Variants in KCNIP4 observed in about 807,000 individuals in gnomAD.
KCNIP4 encodes Kv channel-interacting protein 4.
In KCNIP4, 12 loss-of-function variants were observed where a neutral mutation model predicts 34.0. The observed-to-expected ratio is 0.35, with a 90% CI of 0.23 to 0.57. The LOEUF (loss-of-function observed/expected upper bound fraction) is 0.57. Among genes scored for constraint, KCNIP4 ranks in the 20% least tolerant of loss-of-function variants. The pLI is 0.83. For synonymous variants in KCNIP4, 124 were observed against 102.2 expected, an observed-to-expected ratio of 1.21 and a Z score of -1.29; for missense variants, 238 against 311.7, an observed-to-expected ratio of 0.76 and a Z score of 1.78.
chr4:20,774,010 G>A (rs901746374), intron 3 of KCNIP4, among the ~76,000 whole-genome samples: 8 of 152,176 alleles, frequency 5.3e-5, no homozygotes, highest in African/African-American at 1.7e-4. Flanking sequence ...AAAGCTGCTT[G>A]AGCCTGCTTT....
chr4:21,279,237 A>G (rs1762627687), intron 1 of KCNIP4, among the ~76,000 whole-genome samples: 1 of 152,200 alleles, frequency 6.6e-6, no homozygotes, highest in Non-Finnish European at 1.5e-5. Flanking sequence ...AATTGCATCT[A>G]TGAAGCAGAA....
At chr4:21,101,857 A>G (rs1275735519) in intron 1 of KCNIP4, among the ~76,000 whole-genome samples, 1 of 152,232 alleles carries the variant, frequency 6.6e-6, no homozygotes, top group Non-Finnish European at 1.5e-5. Context: ...GGTCTTAAAC[A>G]TAGAAACTAT....
intron 1 of KCNIP4, among the ~76,000 whole-genome samples, chr4:21,706,370 C>T (rs1335578467): frequency 6.6e-6 from 1 of 152,080 alleles, no homozygotes; most frequent in Non-Finnish European, 1.5e-5. Flanking sequence ...AAATGCAAAC[C>T]AGCTCATCAT....
intron 1 of KCNIP4, among the ~76,000 whole-genome samples, chr4:21,148,995 A>G (rs1752581345): frequency 6.6e-6 from 1 of 152,208 alleles, no homozygotes. Flanking sequence ...CTTTCCCAGT[A>G]GCTTTATTTG....
intron 1 of KCNIP4, among the ~76,000 whole-genome samples, chr4:21,255,137 G>T (rs1223368623): frequency 6.6e-6 from 1 of 151,892 alleles, no homozygotes; most frequent in African/African-American, 2.4e-5. Flanking sequence ...TGCCCATTTT[G>T]CCCAACTATA....
At chr4:21,099,473 G>GA (rs1376088366) in intron 1 of KCNIP4, among the ~76,000 whole-genome samples, 1 of 152,052 alleles carries the variant, frequency 6.6e-6, no homozygotes, top group African/African-American at 2.4e-5. Flanking sequence ...GGAGGTGGGG[G>GA]AAGGGAGAAC....
At chr4:21,072,091 C>A (rs76604409) in intron 1 of KCNIP4, among the ~76,000 whole-genome samples, 5 of 152,028 alleles carry the variant, frequency 3.3e-5, no homozygotes, top group African/African-American at 9.6e-5. Flanking sequence ...TGAATAGTGC[C>A]GCAATAAACA....
At chr4:21,854,286 T>C (rs1021987585) in intron 1 of KCNIP4, among the ~76,000 whole-genome samples, 3 of 152,208 alleles carry the variant, frequency 2.0e-5, no homozygotes, top group Admixed American at 2.0e-4. Context: ...TAAGGCTTCA[T>C]GAAGGAGTTG....
chr4:21,310,517 C>G (rs564203591), intron 1 of KCNIP4, among the ~76,000 whole-genome samples: 33 of 152,308 alleles, frequency 2.2e-4, no homozygotes, highest in African/African-American at 7.9e-4. Context: ...CCAAGAGAAG[C>G]CTGGCTGAAT....
intron 1 of KCNIP4, among the ~76,000 whole-genome samples, chr4:21,026,214 C>T (rs1740546548): frequency 6.6e-6 from 1 of 152,186 alleles, no homozygotes; most frequent in Non-Finnish European, 1.5e-5. Context: ...ATTGTTTCCT[C>T]TGCCTCATGC....
intron 1 of KCNIP4, among the ~76,000 whole-genome samples, chr4:21,277,617 G>A (rs575865790): frequency 2.4e-4 from 37 of 152,192 alleles, no homozygotes; most frequent in African/African-American, 7.9e-4. Context: ...AAAGAAATAC[G>A]TTTTAGAAGT....
intron 3 of KCNIP4, among the ~76,000 whole-genome samples, chr4:20,787,708 G>C (rs565328633): frequency 6.6e-6 from 1 of 151,932 alleles, no homozygotes; most frequent in Non-Finnish European, 1.5e-5. Context: ...TGAACATTTA[G>C]GTCATTAGTA....
At chr4:21,603,811 A>G (rs1157015310) in intron 1 of KCNIP4, among the ~76,000 whole-genome samples, 1 of 152,180 alleles carries the variant, frequency 6.6e-6, no homozygotes, top group East Asian at 1.9e-4. Context: ...CAAAACTATA[A>G]TATCTGAAAT....
intron 1 of KCNIP4, among the ~76,000 whole-genome samples, chr4:21,007,909 A>G (rs1738714040): frequency 6.6e-6 from 1 of 152,154 alleles, no homozygotes; most frequent in Non-Finnish European, 1.5e-5. Context: ...CCTCCAAGAC[A>G]CTGGGGGTTT....
rs1041517062 is a variant in KCNIP4 at position 21,317,236 on chromosome 4, A to C, written c.62-434527T>G. On this transcript the variant is annotated intron_variant, in intron 1 of 8. Coordinates refer to ENST00000382152, the MANE Select transcript of KCNIP4 (RefSeq NM_025221.6). ...CAAACTCTTAACTTACATGCCAACT[A>C]TCCCCTTTTCATATTTTAAATCCTT... is the stretch of plus-strand genomic sequence containing the variant. Among the ~76,000 whole-genome samples the C allele has an allele frequency of 4.6e-5, 7 of 152,294 alleles. No individual in the cohort carries two copies. In the East Asian group the frequency reaches 1.4e-3, roughly 29 times the overall value.
At chr4:21,820,314 TATATATATATAC>T (rs1560738768) in intron 1 of KCNIP4, among the ~76,000 whole-genome samples, 14 of 127,590 alleles carry the variant, frequency 1.1e-4, no homozygotes, top group African/African-American at 3.6e-4. Context: ...TATATATATA[TATATATATATAC>T]ATATATACAC....
intron 1 of KCNIP4, among the ~76,000 whole-genome samples, chr4:21,175,382 A>G (rs1754330948): frequency 6.6e-6 from 1 of 152,120 alleles, no homozygotes; most frequent in Non-Finnish European, 1.5e-5. Context: ...ATTTCAGTAA[A>G]TGCCTGAAAC....
At chr4:21,247,170 T>G (rs2109064613) in intron 1 of KCNIP4, among the ~76,000 whole-genome samples, 1 of 152,284 alleles carries the variant, frequency 6.6e-6, no homozygotes, top group East Asian at 1.9e-4. Context: ...ATCCAACCTT[T>G]GCATTATATA....
chr4:21,409,083 T>A (rs543736400), intron 1 of KCNIP4, among the ~76,000 whole-genome samples: 15 of 83,820 alleles, frequency 1.8e-4, no homozygotes, highest in African/African-American at 1.0e-3. Context: ...TTAGGAAATC[T>A]TCAAGTTTTT....
Sources: allele counts gnomAD v4.1 joint callset (sites outside exome capture counted in the v4.1 genomes callset), GRCh38; gene constraint gnomAD v4.1.1; transcripts MANE v1.5; gene names NCBI Gene and HGNC (gene_info 2026-07-23, HGNC 2026-07-21).